The following IQCM variants were observed in gnomAD, a reference collection of about 807,000 sequenced individuals.
The protein encoded by IQCM is IQ domain-containing protein M.
Under a neutral mutation model 57.6 loss-of-function variants are expected in IQCM, and 45 were observed. That is an observed-to-expected ratio of 0.78 (90% CI 0.62 to 1.00). The LOEUF (loss-of-function observed/expected upper bound fraction) is 1.00, where lower values mean the gene tolerates loss of function less well. IQCM is among the 50% of genes least tolerant of loss of function. The pLI, the probability that IQCM is intolerant of heterozygous loss-of-function variation, is 0.00. For synonymous variants in IQCM, 148 were observed against 158.9 expected (o/e 0.93, Z 0.51); for missense variants, 468 against 511.6 (o/e 0.91, Z 0.82).
At chr4:149,566,778 A>G (rs115776924) in intron 9 of IQCM, among the ~76,000 whole-genome samples, 78 of 152,336 alleles carry the variant, frequency 5.1e-4, no homozygotes, top group African/African-American at 1.7e-3. Context: ...ATCTCTAGAT[A>G]ATTGGAATGT....
chr4:149,584,855 T>G (rs1464068374), intron 9 of IQCM, among the ~76,000 whole-genome samples: 1 of 151,768 alleles, frequency 6.6e-6, no homozygotes, highest in Non-Finnish European at 1.5e-5. Context: ...TTTATCCATA[T>G]AAGGCAAAGG....
At chr4:149,694,025 A>C (rs1045420178) in intron 5 of IQCM, among the ~76,000 whole-genome samples, 5 of 152,102 alleles carry the variant, frequency 3.3e-5, no homozygotes, top group Non-Finnish European at 7.4e-5. Context: ...GATCATGTGG[A>C]CTGGGACTTA....
At chr4:149,618,377 A>G (rs2150067946) in intron 8 of IQCM, among the ~76,000 whole-genome samples, 1 of 152,276 alleles carries the variant, frequency 6.6e-6, no homozygotes, top group Middle Eastern at 3.4e-3. Flanking sequence ...ACTTAAATGT[A>G]AGACCTGAAG....
At chr4:149,724,413 T>C (rs1439037864) in intron 5 of IQCM, among the ~76,000 whole-genome samples, 1 of 152,002 alleles carries the variant, frequency 6.6e-6, no homozygotes, top group Non-Finnish European at 1.5e-5. Context: ...TCTCATTTTA[T>C]ATATAAAGGA....
intron 12 of IQCM, among the ~76,000 whole-genome samples, chr4:149,472,158 T>G (rs556698721): frequency 3.3e-5 from 5 of 152,086 alleles, no homozygotes; most frequent in African/African-American, 1.2e-4. Flanking sequence ...GGGTATTCAA[T>G]TAGGAAAAGA....
At chr4:149,518,619 T>A (rs1318429053) in intron 12 of IQCM, among the ~76,000 whole-genome samples, 1 of 152,160 alleles carries the variant, frequency 6.6e-6, no homozygotes, top group Non-Finnish European at 1.5e-5. Context: ...AAGTCAGAGA[T>A]ATTGTGAAAG....
intron 12 of IQCM, among the ~76,000 whole-genome samples, chr4:149,505,637 T>C (rs1051679521): frequency 1.3e-5 from 2 of 152,240 alleles, no homozygotes; most frequent in Non-Finnish European, 2.9e-5. Flanking sequence ...TGACCTTCTC[T>C]TCTTTCATTT....
intron 12 of IQCM, among the ~76,000 whole-genome samples, chr4:149,498,239 A>T (rs142445530): frequency 6.6e-6 from 1 of 152,114 alleles, no homozygotes; most frequent in Non-Finnish European, 1.5e-5. Flanking sequence ...CCAAGTGATG[A>T]CCCAGCAAAA....
intron 7 of IQCM, among the ~76,000 whole-genome samples, chr4:149,647,644 C>G (rs558684041): frequency 1.3e-5 from 2 of 151,582 alleles, no homozygotes; most frequent in South Asian, 2.1e-4. Context: ...TTTTTCTTCT[C>G]TTTTTGCTGG....
intron 5 of IQCM, among the ~76,000 whole-genome samples, chr4:149,724,046 T>A (rs537577062): frequency 3.3e-5 from 5 of 152,164 alleles, no homozygotes; most frequent in African/African-American, 1.2e-4. Flanking sequence ...TCCAAGCATT[T>A]ATCTGTTTCC....
At chr4:149,599,521 CT>C (rs139594676) in intron 8 of IQCM, among the ~76,000 whole-genome samples, 51 of 150,734 alleles carry the variant, frequency 3.4e-4, no homozygotes, top group Admixed American at 2.4e-3. Flanking sequence ...CTTTGTGGGT[CT>C]TTTTTTTTGA....
chr4:149,550,172 T>C (rs971540691), intron 11 of IQCM, among the ~76,000 whole-genome samples: 2 of 152,056 alleles, frequency 1.3e-5, no homozygotes, highest in Non-Finnish European at 2.9e-5. Flanking sequence ...CTCAGGGGAG[T>C]TGGTTGATAA....
intron 2 of IQCM, among the ~76,000 whole-genome samples, chr4:149,770,314 A>G (rs1770454459): frequency 6.6e-6 from 1 of 152,100 alleles, no homozygotes; most frequent in Admixed American, 6.6e-5. Context: ...GCTTTTTCAC[A>G]AACAAAGCTC....
At chr4:149,667,109 C>T (rs1760799604) in intron 7 of IQCM, among the ~76,000 whole-genome samples, 1 of 152,138 alleles carries the variant, frequency 6.6e-6, no homozygotes, top group South Asian at 2.1e-4. Context: ...CAAGTGAGTC[C>T]CTGACCCCCA....
intron 8 of IQCM, among the ~76,000 whole-genome samples, chr4:149,591,965 C>T (rs1225011811): frequency 6.6e-6 from 1 of 152,100 alleles, no homozygotes; most frequent in Non-Finnish European, 1.5e-5. Context: ...TGGGTATATA[C>T]CCAGTAACGG....
chr4:149,587,774 G>A lies in IQCM; in HGVS notation c.749+156C>T, dbSNP rs577826580. Among the ~76,000 whole-genome samples, 272 of 151,578 alleles carry A rather than the reference G, an allele frequency of 1.8e-3. 1 individual carries two copies. The highest frequency in any genetic ancestry group is 5.8e-3 in the African/African-American group (238 of 41,378). Reference sequence around the variant, plus strand: ...AAACTGTATTTTTCTCCTTTCCTCCGTCAAATTAAAAGGCCACATTGAAAA... The same window carrying A: ...AAACTGTATTTTTCTCCTTTCCTCCATCAAATTAAAAGGCCACATTGAAAA... On this transcript the variant is annotated intron_variant, in intron 9 of 13. Coordinates refer to ENST00000636793, the MANE Select transcript of IQCM (RefSeq NM_001363507.2).
chr4:149,401,730 A>T (rs1732632440), intron 13 of IQCM, among the ~76,000 whole-genome samples: 1 of 151,796 alleles, frequency 6.6e-6, no homozygotes, highest in Admixed American at 6.6e-5. Context: ...AAAATGAGTT[A>T]AGAAAGTATA....
intron 12 of IQCM, among the ~76,000 whole-genome samples, chr4:149,456,360 T>A (rs1354262770): frequency 6.6e-6 from 1 of 152,086 alleles, no homozygotes; most frequent in Non-Finnish European, 1.5e-5. Context: ...TAGAAGTGTT[T>A]TGGATTTCTA....
At chr4:149,500,769 T>A (rs1743156619) in intron 12 of IQCM, among the ~76,000 whole-genome samples, 1 of 152,082 alleles carries the variant, frequency 6.6e-6, no homozygotes, top group Non-Finnish European at 1.5e-5. Context: ...ATCAAATCAA[T>A]ACTAGTTCCT....
Sources: allele counts gnomAD v4.1 joint callset (sites outside exome capture counted in the v4.1 genomes callset), GRCh38; gene constraint gnomAD v4.1.1; transcripts MANE v1.5; gene names NCBI Gene and HGNC (gene_info 2026-07-23, HGNC 2026-07-21).